Variants in ADAM23 observed in about 807,000 individuals in gnomAD.
The protein encoded by ADAM23 is ADAM metallopeptidase domain 23.
In ADAM23, 33 loss-of-function variants were observed where a neutral mutation model predicts 120.1. The observed-to-expected ratio is 0.27, with a 90% CI of 0.21 to 0.37. The LOEUF is 0.37. Among genes scored for constraint, ADAM23 ranks in the 10% least tolerant of loss-of-function variants. The pLI, the probability that ADAM23 is intolerant of heterozygous loss-of-function variation, is 1.00. For missense variants in ADAM23, 862 were observed against 1,058.2 expected (o/e 0.81, Z 2.57); for synonymous variants, 367 against 375.2 (o/e 0.98, Z 0.25).
chr2:206,560,703 G>A (rs977371101), intron 11 of ADAM23, among the ~76,000 whole-genome samples: 4 of 152,152 alleles, frequency 2.6e-5, no homozygotes, highest in African/African-American at 7.2e-5. Flanking sequence ...CTAAGGTTCT[G>A]TCCTGGAATC....
chr2:206,542,692 C>T (rs1009994677), intron 5 of ADAM23, among the ~76,000 whole-genome samples: 7 of 152,086 alleles, frequency 4.6e-5, no homozygotes, highest in Non-Finnish European at 1.5e-5. Flanking sequence ...AAACTTTTCG[C>T]CCTTTTATAA....
At chr2:206,485,011 A>G (rs1158116524) in intron 3 of ADAM23, among the ~76,000 whole-genome samples, 13 of 152,170 alleles carry the variant, frequency 8.5e-5, no homozygotes, top group Admixed American at 8.5e-4. Flanking sequence ...AGCCATATGG[A>G]ACTATGAGTC....
intron 2 of ADAM23, among the ~76,000 whole-genome samples, chr2:206,447,497 G>T (rs930854826): frequency 6.6e-6 from 1 of 152,144 alleles, no homozygotes. Flanking sequence ...GGTATAGACA[G>T]TGTTGTTGTT....
In ADAM23 at chr2:206,562,291, C is replaced by G; in HGVS notation, c.1343C>G (p.Pro448Arg). 2 of 1,612,786 alleles carry G rather than the reference C, an allele frequency of 1.2e-6. No homozygotes were observed. Among genetic ancestry groups the G allele is most frequent in the Non-Finnish European group, 1.7e-6 (2 of 1,178,886 alleles). ...GIQWEPSSRK[P>R]KCDCTESWGG... is the part of the protein sequence containing the mutation. The stretch of plus-strand genomic sequence containing the variant: ...CAATGGGAACCTTCTAGCAGAAAGC[C>G]AAGTATGTACACTGACCTTCTTACT... Residue 448 changes from proline to arginine, a missense_variant and splice_region_variant, in exon 13 of 26, where the codon CCA becomes CGA. Pro to Arg is a moderately radical substitution (Grantham distance 103). Around this residue, in one of 4 missense-constraint regions of ADAM23, gnomAD observed 617 missense variants for 813.5 expected, o/e 0.76. Transcript: ENST00000264377.
intron 2 of ADAM23, among the ~76,000 whole-genome samples, chr2:206,451,302 C>T (rs1429882894): frequency 2.6e-5 from 4 of 152,160 alleles, no homozygotes; most frequent in African/African-American, 9.7e-5. Context: ...TGCAATGGCA[C>T]GACCTTGGCT....
At chr2:206,598,442 C>T (rs1265580864) in intron 24 of ADAM23, among the ~76,000 whole-genome samples, 3 of 152,174 alleles carry the variant, frequency 2.0e-5, no homozygotes, top group Non-Finnish European at 4.4e-5. Context: ...AGAGTACTCA[C>T]AGCTGCCTTT....
At chr2:206,484,395 C>T (rs1297627148) in intron 3 of ADAM23, among the ~76,000 whole-genome samples, 1 of 152,010 alleles carries the variant, frequency 6.6e-6, no homozygotes, top group African/African-American at 2.4e-5. Flanking sequence ...ATGTGTTAGT[C>T]TTTGTGTATT....
chr2:206,579,475 A>G (rs922522641), intron 18 of ADAM23, among the ~76,000 whole-genome samples: 10 of 152,152 alleles, frequency 6.6e-5, no homozygotes, highest in Non-Finnish European at 1.2e-4. Flanking sequence ...TCCCAGCACC[A>G]TTTATTGAAA....
At chr2:206,560,409 CAT>C (rs556972057) in intron 11 of ADAM23, among the ~76,000 whole-genome samples, 710 of 151,944 alleles carry the variant, frequency 4.7e-3, no homozygotes, top group Middle Eastern at 0.02. Context: ...GCGGGCATGA[CAT>C]GTGGGGAGAA....
At chr2:206,600,491 A>G (rs1003648933) in intron 24 of ADAM23, among the ~76,000 whole-genome samples, 5 of 152,234 alleles carry the variant, frequency 3.3e-5, no homozygotes, top group African/African-American at 1.2e-4. Context: ...AATCATGAAC[A>G]TGGGCATAAA....
intron 2 of ADAM23, among the ~76,000 whole-genome samples, chr2:206,477,890 A>AT (rs1253803349): frequency 1.9e-3 from 224 of 119,566 alleles, no homozygotes; most frequent in South Asian, 6.4e-3. Context: ...TAAAAAAAAA[A>AT]AAAAAAAATA....
chr2:206,598,054 C>T (rs1222200437), intron 24 of ADAM23, among the ~76,000 whole-genome samples: 1 of 152,148 alleles, frequency 6.6e-6, no homozygotes, highest in Non-Finnish European at 1.5e-5. Flanking sequence ...TAAAAGGGAA[C>T]GTATTCCACT....
intron 2 of ADAM23, among the ~76,000 whole-genome samples, chr2:206,464,905 C>A (rs1397203704): frequency 1.3e-5 from 2 of 151,972 alleles, no homozygotes; most frequent in South Asian, 2.1e-4. Context: ...AGAAACCCTG[C>A]AGTAGAACTT....
chr2:206,582,817 G>A (rs1198240050), intron 18 of ADAM23, among the ~76,000 whole-genome samples: 1 of 152,162 alleles, frequency 6.6e-6, no homozygotes, highest in African/African-American at 2.4e-5. Context: ...CATATATGAT[G>A]CTTACTTTGG....
At chr2:206,575,395 G>T (rs1182852501) in intron 18 of ADAM23, among the ~76,000 whole-genome samples, 1 of 152,170 alleles carries the variant, frequency 6.6e-6, no homozygotes, top group Non-Finnish European at 1.5e-5. Context: ...ATGAGAGTCT[G>T]TCATGTGGAT....
At chr2:206,516,332 T>C (rs952020094) in intron 3 of ADAM23, among the ~76,000 whole-genome samples, 10 of 152,276 alleles carry the variant, frequency 6.6e-5, no homozygotes, top group African/African-American at 1.4e-4. Context: ...GCGTTTTTTT[T>C]CTAACATTCC....
At chr2:206,556,191 TAGC>T (rs762319887) in intron 9 of ADAM23, among the ~76,000 whole-genome samples, 16 of 152,052 alleles carry the variant, frequency 1.1e-4, no homozygotes, top group Non-Finnish European at 1.9e-4. Flanking sequence ...ACTATAATAA[TAGC>T]AGAATATTAA....
intron 17 of ADAM23, among the ~76,000 whole-genome samples, 195 bp from the exon 18 acceptor site, chr2:206,572,920 T>C (rs1270835766): frequency 6.6e-6 from 1 of 152,234 alleles, no homozygotes; most frequent in Non-Finnish European, 1.5e-5. Context: ...TGGTTGATGA[T>C]TCATCTTTAG....
At chr2:206,530,621 G>GAAAA (rs5838028) in intron 3 of ADAM23, among the ~76,000 whole-genome samples, 6 of 98,542 alleles carry the variant, frequency 6.1e-5, no homozygotes, top group African/African-American at 2.3e-4. Flanking sequence ...GTCTCAAAAA[G>GAAAA]AAAAAAAAAA....
Sources: allele counts gnomAD v4.1 joint callset (sites outside exome capture counted in the v4.1 genomes callset), GRCh38; gene constraint gnomAD v4.1.1; regional missense constraint gnomAD v4.1.1; transcripts MANE v1.5; gene names NCBI Gene and HGNC (gene_info 2026-07-23, HGNC 2026-07-21).